Variants in CPD observed in about 807,000 individuals in gnomAD.
The protein encoded by CPD is metallocarboxypeptidase D.
CPD carries 69 observed loss-of-function variants against 138.3 expected under a neutral mutation model. The ratio of observed to expected loss-of-function variants is 0.50; its 90% confidence interval spans 0.41 to 0.61. The LOEUF (loss-of-function observed/expected upper bound fraction) is 0.61, where lower values mean the gene tolerates loss of function less well. CPD is among the 20% of genes least tolerant of loss of function. The pLI is 0.00. For missense variants in CPD, 1,432 were observed against 1,733.3 expected, an observed-to-expected ratio of 0.83 and a Z score of 3.09; for synonymous variants, 651 against 642.1, an observed-to-expected ratio of 1.01 and a Z score of -0.21.
At chr17:30,427,628 C>G in intron 7 of CPD, 70 bp downstream of exon 7, 1 of 1,390,484 alleles carries the variant, frequency 7.2e-7, no homozygotes, top group East Asian at 2.3e-5. Context: ...GGAATTTTAT[C>G]TGTTTGTAGT....
intron 2 of CPD, among the ~76,000 whole-genome samples, chr17:30,403,813 C>T (rs1303268516): frequency 6.6e-6 from 1 of 152,096 alleles, no homozygotes; most frequent in East Asian, 1.9e-4. Flanking sequence ...AAACATATGC[C>T]CACATTAAGA....
At chr17:30,419,011 T>C (rs534434078) in intron 2 of CPD, among the ~76,000 whole-genome samples, 6 of 152,322 alleles carry the variant, frequency 3.9e-5, no homozygotes, top group Admixed American at 3.3e-4. Context: ...CCTATAAATA[T>C]GCCAGTGAAA....
At chr17:30,384,007 T>C (rs1911119140) in intron 1 of CPD, among the ~76,000 whole-genome samples, 1 of 152,156 alleles carries the variant, frequency 6.6e-6, no homozygotes, top group Non-Finnish European at 1.5e-5. Flanking sequence ...TTTGACCAAA[T>C]TGTAAATTGG....
intron 2 of CPD, among the ~76,000 whole-genome samples, chr17:30,391,053 T>G (rs1191184459): frequency 6.6e-6 from 1 of 151,656 alleles, no homozygotes; most frequent in East Asian, 1.9e-4. Context: ...TGGTCTTGAA[T>G]TCCAGACCTC....
chr17:30,417,832 T>A (rs1357239733), intron 2 of CPD, among the ~76,000 whole-genome samples: 5 of 152,170 alleles, frequency 3.3e-5, no homozygotes, highest in Non-Finnish European at 7.3e-5. Context: ...CATTTTTTTT[T>A]ATGCTTTGGA....
In CPD at chr17:30,379,864, G is replaced by A; in HGVS notation, c.746+138G>A. The A allele has an allele frequency of 1.8e-6, 1 of 569,906 alleles. No homozygotes were observed. The highest frequency in any genetic ancestry group is 2.7e-6 in the Non-Finnish European group (1 of 368,136). The allele number at this position is 569,906 out of a possible 1,614,324, so 35.3% of individuals were successfully genotyped here. On this transcript the variant is annotated intron_variant, in intron 1 of 20. Transcript: ENST00000225719. The surrounding 1 kb of genome is among the most constrained non-coding windows in gnomAD (Gnocchi z 7.0). ...GTGAAGGGAGACACCCTGTAACGGG[G>A]ACAGGGCCCAGGCCGCGTAGCCTCC...
At chr17:30,444,975 CAG>C (rs1278220888) in intron 11 of CPD, among the ~76,000 whole-genome samples, 1 of 151,804 alleles carries the variant, frequency 6.6e-6, no homozygotes, top group African/African-American at 2.4e-5. Flanking sequence ...CCATTTTTGG[CAG>C]AGTGTTAACT....
At position 30,461,951 on chromosome 17, in the gene CPD, T is replaced by C. The variant is rs776950416; in HGVS notation, c.3705T>C (p.Asn1235=). 6 of 1,613,614 alleles carry C rather than the reference T, an allele frequency of 3.7e-6. No homozygotes were observed. Among genetic ancestry groups the C allele is most frequent in the African/African-American group, 1.3e-5 (1 of 74,888 alleles). ...TCTCTAAAGCAGTCATTGTACTTAA[T>C]GAAGGAATAAAGGTACAAACAAAAG... The part of the protein sequence containing the change: ...KPISKAVIVL[N]EGIKVQTKEG... Residue 1235 remains asparagine, a synonymous_variant, in exon 19 of 21, where the codon AAT becomes AAC. Transcript: ENST00000225719.
intron 2 of CPD, among the ~76,000 whole-genome samples, chr17:30,388,555 G>A (rs1458180205): frequency 6.6e-6 from 1 of 152,206 alleles, no homozygotes; most frequent in South Asian, 2.1e-4. Context: ...CCCAATCCCG[G>A]ATAGGAGCAG....
intron 7 of CPD, among the ~76,000 whole-genome samples, chr17:30,428,436 C>G (rs552304556): frequency 1.3e-5 from 2 of 152,194 alleles, no homozygotes; most frequent in Admixed American, 1.3e-4. Flanking sequence ...TTGAAACAAC[C>G]CAAACAACCA....
At position 30,421,981 on chromosome 17, in the gene CPD, A is replaced by C. The variant is rs911567550; in HGVS notation, c.1307+148A>C. The C allele has an allele frequency of 2.1e-5, 14 of 674,888 alleles. No individual in the cohort carries two copies. The South Asian group carries it at 3.2e-4, about 15-fold the overall frequency. The allele number at this position is 674,888 out of a possible 1,614,324, so 41.8% of individuals were successfully genotyped here. Reference sequence around the variant, plus strand: ...TGATTTTTCTCGTTTTATAATAAGAAAATACTATTGTGGAGTTTTTTGTCA... The same window carrying C: ...TGATTTTTCTCGTTTTATAATAAGACAATACTATTGTGGAGTTTTTTGTCA... On this transcript the variant is annotated intron_variant, in intron 4 of 20. Transcript: ENST00000225719.
Position 30,442,372 on chromosome 17 carries a change from T to A in CPD, c.2295T>A (p.Cys765Ter). Reference protein sequence around the residue: ...NCFEVTIELGCVKYPLEKELP... With the variant: ...NCFEVTIELG The stretch of plus-strand genomic sequence containing the variant: ...TTGAAGTGACTATTGAACTAGGTTG[T>A]GTGAAATATCCACTTGAGAAAGAGC... Residue 765 changes from cysteine (C) to a stop codon, truncating the protein, a stop_gained, in exon 10 of 21, where the codon TGT becomes TGA. Transcript: ENST00000225719. LOFTEE classifies it high-confidence loss of function. 6.2e-7 allele frequency: 1 copy of A among 1,613,466 alleles called. No individual in the cohort carries two copies. The highest frequency in any genetic ancestry group is 8.5e-7 in the Non-Finnish European group (1 of 1,179,536).
chr17:30,444,110 CTTTG>C, intron 11 of CPD, 139 bp downstream of exon 11: 1 of 700,424 alleles, frequency 1.4e-6, no homozygotes, highest in East Asian at 2.6e-5. Context: ...CTGGTTATAC[CTTTG>C]ACTCTCCTTT....
At chr17:30,404,244 G>A (rs719600) in intron 2 of CPD, among the ~76,000 whole-genome samples, 134,973 of 152,170 alleles carry the variant, frequency 0.89, 60,066 homozygotes, top group African/African-American at 0.96. Context: ...CTTTTAAAAA[G>A]GCTTTAAAGC....
At chr17:30,427,914 C>T (rs1912464381) in intron 7 of CPD, among the ~76,000 whole-genome samples, 1 of 151,440 alleles carries the variant, frequency 6.6e-6, no homozygotes, top group Admixed American at 6.6e-5. Context: ...TCCTTCTCCC[C>T]CGCCTGTCCC....
chr17:30,434,601 A>G (rs1912651208), intron 8 of CPD, among the ~76,000 whole-genome samples: 1 of 152,178 alleles, frequency 6.6e-6, no homozygotes, highest in Admixed American at 6.5e-5. Flanking sequence ...TTAAAAGGAG[A>G]GGATGGTTAC....
intron 1 of CPD, chr17:30,380,558 A>G: frequency 6.7e-7 from 1 of 1,485,854 alleles, no homozygotes. Context: ...TAAGCATTGC[A>G]TGAGGTTTAA....
At chr17:30,395,240 G>A (rs866228565) in intron 2 of CPD, among the ~76,000 whole-genome samples, 12 of 131,324 alleles carry the variant, frequency 9.1e-5, no homozygotes, top group South Asian at 2.4e-4. Flanking sequence ...AATGCATTTC[G>A]TACTGGGATG....
intron 8 of CPD, among the ~76,000 whole-genome samples, chr17:30,436,702 G>A (rs191182420): frequency 6.6e-6 from 1 of 152,318 alleles, no homozygotes; most frequent in East Asian, 1.9e-4. Flanking sequence ...TTGAAAAACA[G>A]TCTGGCAGTG....
Sources: allele counts gnomAD v4.1 joint callset (sites outside exome capture counted in the v4.1 genomes callset), GRCh38; gene constraint gnomAD v4.1.1; non-coding constraint Gnocchi (gnomAD v3.1); transcripts MANE v1.5; gene names NCBI Gene and HGNC (gene_info 2026-07-23, HGNC 2026-07-21).